Variants in TRIM24 observed in about 807,000 individuals in gnomAD.
The protein encoded by TRIM24 is transcription intermediary factor 1-alpha.
Under a neutral mutation model 123.9 loss-of-function variants are expected in TRIM24, and 29 were observed. That is an observed-to-expected ratio of 0.23 (90% confidence interval 0.17 to 0.32). The LOEUF is 0.32. Ranked by LOEUF, TRIM24 falls within the 10% of genes least tolerant of loss-of-function variation. TRIM24 has a pLI of 1.00. For missense variants in TRIM24, 932 were observed against 1,295.3 expected (o/e 0.72, Z 4.31); for synonymous variants, 456 against 461.1 (o/e 0.99, Z 0.14).
At chr7:138,504,491 A>G in intron 2 of TRIM24, 83 bp downstream of exon 2, 1 of 820,702 alleles carries the variant, frequency 1.2e-6, no homozygotes. Flanking sequence ...AGTCTCATTC[A>G]TTCTGTTGCC....
At chr7:138,570,387 C>CTAAT (rs1270440813) in intron 10 of TRIM24, among the ~76,000 whole-genome samples, 1 of 152,070 alleles carries the variant, frequency 6.6e-6, no homozygotes, top group Non-Finnish European at 1.5e-5. Context: ...TTATCGAGGC[C>CTAAT]TAATTATCTG....
At chr7:138,497,461 C>T (rs1234053537) in intron 1 of TRIM24, among the ~76,000 whole-genome samples, 1 of 131,632 alleles carries the variant, frequency 7.6e-6, no homozygotes, top group Non-Finnish European at 1.5e-5. Context: ...AGGGCAGTAG[C>T]TTGATCTTGG....
chr7:138,505,986 T>C (rs990517575), intron 2 of TRIM24, among the ~76,000 whole-genome samples: 1 of 152,214 alleles, frequency 6.6e-6, no homozygotes, highest in African/African-American at 2.4e-5. Flanking sequence ...ACAGAAGATC[T>C]GGGAAAGAAC....
Position 138,460,372 on chromosome 7 carries a change from G to A in TRIM24, c.-177G>A, listed in dbSNP as rs1402714608. On this transcript the variant is annotated 5_prime_UTR_variant, in exon 1 of 19. Coordinates refer to ENST00000343526, the MANE Select transcript of TRIM24 (RefSeq NM_015905.3). ...CTTCCGGCCGCGCCACTCGGGAGGCGGATCCCGTGGGCCTGAGGAGGCTTC... is the reference window on the plus strand; with the variant it reads ...CTTCCGGCCGCGCCACTCGGGAGGCAGATCCCGTGGGCCTGAGGAGGCTTC... 1.8e-6 allele frequency: 1 copy of A among 554,990 alleles called. No individual in the cohort carries two copies. Among genetic ancestry groups the A allele is most frequent in the East Asian group, 3.5e-5 (1 of 28,376 alleles). 34.4% of individuals were successfully genotyped at this position (554,990 alleles called of 1,614,324 possible).
chr7:138,571,025 A>T lies in TRIM24; in HGVS notation c.1878+22A>T, dbSNP rs754577321. 1.9e-6 allele frequency: 3 copies of T among 1,612,394 alleles called. No individual in the cohort carries two copies. In the African/African-American group the frequency reaches 4.0e-5, roughly 22 times the overall value. ...GGATGTAAGTAGACACAAAATTTAT[A>T]CTAGCCTCTGTTGAAAACTGTTGGC... On this transcript the variant is annotated intron_variant, in intron 11 of 18. Coordinates refer to ENST00000343526, the MANE Select transcript of TRIM24 (RefSeq NM_015905.3).
intron 1 of TRIM24, among the ~76,000 whole-genome samples, chr7:138,472,981 T>A (rs1795306056): frequency 6.6e-6 from 1 of 152,150 alleles, no homozygotes; most frequent in African/African-American, 2.4e-5. Context: ...TTACGATGGT[T>A]AATAATTCCT....
At chr7:138,523,937 G>A (rs1309305913) in intron 4 of TRIM24, among the ~76,000 whole-genome samples, 2 of 151,918 alleles carry the variant, frequency 1.3e-5, no homozygotes, top group Admixed American at 6.6e-5. Flanking sequence ...TCCAAGAAAC[G>A]GAAAATAAGT....
chr7:138,508,694 C>CGCGCGCGCGCGCGT (rs1376359515), intron 2 of TRIM24, among the ~76,000 whole-genome samples: 73 of 30,668 alleles, frequency 2.4e-3, no homozygotes, highest in African/African-American at 6.3e-3. Context: ...TGTGTGTGTG[C>CGCGCGCGCGCGCGT]GCGCGCGTGT....
At chr7:138,522,619 G>T (rs758343626) in intron 4 of TRIM24, among the ~76,000 whole-genome samples, 1 of 151,982 alleles carries the variant, frequency 6.6e-6, no homozygotes, top group South Asian at 2.1e-4. Flanking sequence ...AAGAAACATG[G>T]TCTATAGTTT....
chr7:138,577,492 T>G lies in TRIM24; in HGVS notation c.2160T>G (p.Ile720Met). 1.9e-6 allele frequency: 3 copies of G among 1,611,076 alleles called. No individual in the cohort carries two copies. Among genetic ancestry groups the G allele is most frequent in the Non-Finnish European group, 2.5e-6 (3 of 1,178,806 alleles). ...HKVPVVMLEP[I>M]RIKQENSGPP... Reference sequence around the variant, plus strand: ...TCCCAGTGGTCATGCTGGAGCCAATTCGAATAAAACAAGAAAACAGTGGAC... The same window carrying G: ...TCCCAGTGGTCATGCTGGAGCCAATGCGAATAAAACAAGAAAACAGTGGAC... The change falls in exon 14 of 19, where the codon ATT becomes ATG. Residue 720 changes from isoleucine to methionine, a missense_variant. Around this residue, in one of 7 missense-constraint regions of TRIM24, gnomAD observed 527 missense variants for 691.3 expected, o/e 0.76. Coordinates refer to ENST00000343526, the MANE Select transcript of TRIM24 (RefSeq NM_015905.3).
At chr7:138,471,309 TGTACA>T (rs1296629924) in intron 1 of TRIM24, among the ~76,000 whole-genome samples, 3 of 152,206 alleles carry the variant, frequency 2.0e-5, no homozygotes, top group African/African-American at 7.2e-5. Context: ...CTGTAGTATA[TGTACA>T]GTACATGTTC....
At chr7:138,575,883 A>AT (rs1371105341) in intron 12 of TRIM24, among the ~76,000 whole-genome samples, 2 of 151,974 alleles carry the variant, frequency 1.3e-5, no homozygotes, top group African/African-American at 4.8e-5. Context: ...AGTTGGTTTA[A>AT]TTTTGTTTAC....
chr7:138,471,508 C>T (rs1242309021), intron 1 of TRIM24, among the ~76,000 whole-genome samples: 3 of 151,472 alleles, frequency 2.0e-5, no homozygotes, highest in Non-Finnish European at 4.4e-5. Context: ...AGGTTCTCAT[C>T]TCATAGTATA....
intron 2 of TRIM24, among the ~76,000 whole-genome samples, chr7:138,510,129 AC>A (rs1796254820): frequency 6.6e-6 from 1 of 152,240 alleles, no homozygotes; most frequent in South Asian, 2.1e-4. Flanking sequence ...CACAGAAGTT[AC>A]ATGCAGGTAG....
intron 9 of TRIM24, among the ~76,000 whole-genome samples, chr7:138,555,913 G>A (rs117057717): frequency 0.017 from 2,624 of 152,210 alleles, 36 homozygotes; most frequent in Non-Finnish European, 0.025. Flanking sequence ...TTCATGGCAT[G>A]GTCGACATCT....
intron 6 of TRIM24, among the ~76,000 whole-genome samples, chr7:138,537,395 T>TTG (rs1796911486): frequency 7.1e-6 from 1 of 140,684 alleles, no homozygotes; most frequent in African/African-American, 2.6e-5. Context: ...TTTTTTTTTT[T>TTG]TTTTTTTTTT....
chr7:138,467,592 C>T (rs988925312), intron 1 of TRIM24, among the ~76,000 whole-genome samples: 4 of 152,240 alleles, frequency 2.6e-5, no homozygotes, highest in South Asian at 2.1e-4. Flanking sequence ...CTGCCCGCCT[C>T]GGCCTCCCAA....
rs763970400 is a variant in TRIM24, at chr7:138,570,872, A to G, written c.1747A>G (p.Ser583Gly). 37 of 1,614,036 alleles carry G rather than the reference A, an allele frequency of 2.3e-5. No individual in the cohort carries two copies. In the South Asian group the frequency reaches 3.7e-4, roughly 16 times the overall value. Residue 583 changes from serine to glycine, a missense_variant, in exon 11 of 19, where the codon AGC becomes GGC. Ser to Gly is a moderately conservative substitution (Grantham distance 56, BLOSUM62 0). Coordinates refer to ENST00000343526, the MANE Select transcript of TRIM24 (RefSeq NM_015905.3). Reference protein sequence around the residue: ...SGQGTPSTTNSTSSTPSSPTI... With the variant: ...SGQGTPSTTNGTSSTPSSPTI... ...ACAGGGAACCCCATCAACTACCAAC[A>G]GCACATCCTCTACTCCTTCCAGCCC...
At chr7:138,527,426 G>A (rs568030486) in intron 5 of TRIM24, among the ~76,000 whole-genome samples, 1 of 152,254 alleles carries the variant, frequency 6.6e-6, no homozygotes, top group South Asian at 2.1e-4. Context: ...ATTTATTAGA[G>A]TAACTGGTAG....
Sources: allele counts gnomAD v4.1 joint callset (sites outside exome capture counted in the v4.1 genomes callset), GRCh38; gene constraint gnomAD v4.1.1; regional missense constraint gnomAD v4.1.1; transcripts MANE v1.5; gene names NCBI Gene and HGNC (gene_info 2026-07-23, HGNC 2026-07-21).